The following KIAA1328 variants were observed in gnomAD, a reference collection of about 807,000 sequenced individuals.
KIAA1328 encodes protein hinderin.
A neutral mutation model predicts 68.1 loss-of-function variants in KIAA1328; 52 were observed. The observed-to-expected ratio is 0.76, with a 90% CI of 0.61 to 0.96. The LOEUF (loss-of-function observed/expected upper bound fraction) is 0.96. Among genes scored for constraint, KIAA1328 ranks in the 40% least tolerant of loss-of-function variants. The pLI, the probability that KIAA1328 is intolerant of heterozygous loss-of-function variation, is 0.00. For synonymous variants in KIAA1328, 232 were observed against 239.4 expected (o/e 0.97, Z 0.28); for missense variants, 641 against 677.6 (o/e 0.95, Z 0.60).
intron 6 of KIAA1328, among the ~76,000 whole-genome samples, chr18:36,981,038 T>C (rs1242168491): frequency 6.6e-6 from 1 of 152,206 alleles, no homozygotes; most frequent in Non-Finnish European, 1.5e-5. Context: ...GAAAACTTAA[T>C]TGGTGAGGAA....
chr18:36,908,437 T>C (rs892264150), intron 5 of KIAA1328, among the ~76,000 whole-genome samples: 1 of 152,150 alleles, frequency 6.6e-6, no homozygotes, highest in Non-Finnish European at 1.5e-5. Context: ...GCTCACTCGC[T>C]CAAGCAATCC....
At chr18:37,055,921 G>A (rs1015783200) in intron 6 of KIAA1328, among the ~76,000 whole-genome samples, 4 of 152,148 alleles carry the variant, frequency 2.6e-5, no homozygotes, top group African/African-American at 4.8e-5. Context: ...GTACTATTGA[G>A]TAATCCTGTG....
Position 37,180,736 on chromosome 18 carries a change from A to G in KIAA1328, c.1523+7655A>G, listed in dbSNP as rs552831652. ...GATGTTCCTAGCAGAGGAAATGATC[A>G]TGTATTATCCTCCTAGCAGGAGAGA... is the stretch of plus-strand genomic sequence containing the variant. On this transcript the variant is annotated intron_variant, in intron 9 of 9. Coordinates refer to ENST00000280020, the MANE Select transcript of KIAA1328 (RefSeq NM_020776.3). Among the ~76,000 whole-genome samples, 39 of 152,180 alleles carry G rather than the reference A, an allele frequency of 2.6e-4. No homozygotes were observed. In the Middle Eastern group the frequency reaches 0.01, roughly 40 times the overall value.
intron 5 of KIAA1328, among the ~76,000 whole-genome samples, chr18:36,897,034 G>A (rs761398442): frequency 3.2e-4 from 49 of 152,062 alleles, no homozygotes; most frequent in Non-Finnish European, 4.4e-4. Flanking sequence ...AAAAAAAATT[G>A]TACTCAAGAT....
intron 5 of KIAA1328, among the ~76,000 whole-genome samples, chr18:36,935,647 C>T (rs569968391): frequency 6.6e-6 from 1 of 152,166 alleles, no homozygotes; most frequent in East Asian, 1.9e-4. Context: ...CTTCATCATA[C>T]AGACGTATTT....
At chr18:37,193,487 T>C (rs1389106559) in intron 9 of KIAA1328, 2 of 651,890 alleles carry the variant, frequency 3.1e-6, no homozygotes, top group Admixed American at 4.8e-5. Context: ...GAAAAAACTT[T>C]GAGACTCAGG....
At chr18:36,978,541 G>C (rs971826949) in intron 6 of KIAA1328, among the ~76,000 whole-genome samples, 4 of 152,220 alleles carry the variant, frequency 2.6e-5, no homozygotes, top group Non-Finnish European at 4.4e-5. Context: ...AAATGTGTCA[G>C]TTGGCATTCA....
intron 9 of KIAA1328, among the ~76,000 whole-genome samples, chr18:37,184,128 C>A (rs2059748716): frequency 6.6e-6 from 1 of 152,178 alleles, no homozygotes; most frequent in African/African-American, 2.4e-5. Flanking sequence ...TTTTAACTTA[C>A]CAGTTCATGA....
At chr18:37,068,252 C>T (rs2056412775) in intron 7 of KIAA1328, among the ~76,000 whole-genome samples, 1 of 152,088 alleles carries the variant, frequency 6.6e-6, no homozygotes, top group East Asian at 1.9e-4. Flanking sequence ...TGTCATCATT[C>T]CGAATTTATG....
chr18:37,011,045 C>T lies in KIAA1328; in HGVS notation c.576+51610C>T, dbSNP rs143448621. Reference sequence around the variant, plus strand: ...TTTGTGAGATACAAGAAGCTTAGTGCACTTGTAAGTTTACAACTGTGACAG... The same window carrying T: ...TTTGTGAGATACAAGAAGCTTAGTGTACTTGTAAGTTTACAACTGTGACAG... On this transcript the variant is annotated intron_variant, in intron 6 of 9. Transcript: ENST00000280020. Among the ~76,000 whole-genome samples, 51 of 152,180 alleles carry T rather than the reference C, an allele frequency of 3.4e-4. No homozygotes were observed. In the East Asian group the frequency reaches 9.7e-3, roughly 29 times the overall value.
intron 8 of KIAA1328, among the ~76,000 whole-genome samples, chr18:37,165,489 G>A (rs544198414): frequency 2.0e-5 from 3 of 151,306 alleles, no homozygotes; most frequent in East Asian, 1.9e-4. Context: ...GTGCTATATC[G>A]GTTCACTGCA....
chr18:36,845,194 C>A (rs905183523), intron 4 of KIAA1328, among the ~76,000 whole-genome samples: 1 of 151,642 alleles, frequency 6.6e-6, no homozygotes, highest in African/African-American at 2.4e-5. Flanking sequence ...AAGTACACGC[C>A]TTAGTCTGAA....
Position 36,889,656 on chromosome 18 carries a change from T to C in KIAA1328, c.448+3984T>C, listed in dbSNP as rs1434031948. Among the ~76,000 whole-genome samples the C allele has an allele frequency of 5.9e-5, 9 of 152,192 alleles. No homozygotes were observed. The East Asian group carries it at 1.7e-3, about 29-fold the overall frequency. ...TATGTAGATAACTAAAATGCCTTCT[T>C]TGCAGGCCTATTGGAATTTGATAGA... On this transcript the variant is annotated intron_variant, in intron 5 of 9. Transcript: ENST00000280020.
intron 6 of KIAA1328, among the ~76,000 whole-genome samples, chr18:37,025,039 G>A (rs556414722): frequency 2.0e-3 from 309 of 152,246 alleles, no homozygotes; most frequent in Non-Finnish European, 3.4e-3. Context: ...TCCAGCACCT[G>A]TTGTTTCCTG....
intron 6 of KIAA1328, among the ~76,000 whole-genome samples, chr18:37,031,899 G>T (rs1309275257): frequency 1.3e-5 from 2 of 152,084 alleles, no homozygotes; most frequent in African/African-American, 4.8e-5. Flanking sequence ...GGGTGTGGTG[G>T]CTCACACCTG....
At chr18:37,204,788 C>A in intron 9 of KIAA1328, among the ~76,000 whole-genome samples, 1 of 143,808 alleles carries the variant, frequency 7.0e-6, no homozygotes, top group Non-Finnish European at 1.5e-5. Flanking sequence ...AAACACCTCT[C>A]AAGAAACAGG....
At chr18:37,022,966 T>C (rs947482275) in intron 6 of KIAA1328, among the ~76,000 whole-genome samples, 23 of 152,198 alleles carry the variant, frequency 1.5e-4, no homozygotes, top group Admixed American at 1.4e-3. Context: ...ATAAGTAAAC[T>C]CTACAGTCAC....
intron 4 of KIAA1328, among the ~76,000 whole-genome samples, chr18:36,845,920 T>A (rs1298942826): frequency 6.6e-6 from 1 of 151,700 alleles, no homozygotes; most frequent in Non-Finnish European, 1.5e-5. Context: ...TTGTAATTTC[T>A]TTATAGAAGG....
At chr18:37,162,292 A>C (rs922027900) in intron 8 of KIAA1328, among the ~76,000 whole-genome samples, 2 of 152,042 alleles carry the variant, frequency 1.3e-5, no homozygotes, top group African/African-American at 4.8e-5. Flanking sequence ...AAAAAAAAAA[A>C]AGAAACTTTT....
Sources: gnomAD v4.1 joint callset for allele counts (sites outside exome capture counted in the v4.1 genomes callset) on GRCh38, gnomAD v4.1.1 for gene constraint, MANE v1.5 for transcripts, NCBI Gene and HGNC (gene_info 2026-07-23, HGNC 2026-07-21) for gene names.